Variants in PPFIA2 observed in about 807,000 individuals in gnomAD.
The protein encoded by PPFIA2 is PPFI scaffold protein A2.
PPFIA2 carries 46 observed loss-of-function variants against 175.5 expected under a neutral mutation model. The ratio of observed to expected loss-of-function variants is 0.26; its 90% CI spans 0.21 to 0.34. The LOEUF is 0.34. Among genes scored for constraint, PPFIA2 ranks in the 10% least tolerant of loss-of-function variants. The probability of loss-of-function intolerance (pLI) is 1.00; values close to 1 mark genes in which losing one functional copy is unlikely to be tolerated. For missense variants in PPFIA2, 1,179 were observed against 1,506.1 expected (o/e 0.78, Z 3.60); for synonymous variants, 568 against 511.4 (o/e 1.11, Z -1.49).
At chr12:81,534,476 A>G (rs2065095529) in intron 4 of PPFIA2, among the ~76,000 whole-genome samples, 1 of 151,730 alleles carries the variant, frequency 6.6e-6, no homozygotes, top group African/African-American at 2.4e-5. Flanking sequence ...ATTATGTATC[A>G]GGAAAAAATA....
At chr12:81,627,974 C>T (rs944489970) in intron 4 of PPFIA2, among the ~76,000 whole-genome samples, 2 of 151,892 alleles carry the variant, frequency 1.3e-5, no homozygotes, top group African/African-American at 4.8e-5. Flanking sequence ...TCAGTATTGG[C>T]TACAATAAAA....
intron 24 of PPFIA2, among the ~76,000 whole-genome samples, chr12:81,289,746 T>C (rs973848211): frequency 6.6e-6 from 1 of 151,804 alleles, no homozygotes; most frequent in African/African-American, 2.4e-5. Context: ...TACACAAAAA[T>C]AGTTTTAGGT....
intron 4 of PPFIA2, among the ~76,000 whole-genome samples, chr12:81,669,382 T>C (rs2070989779): frequency 6.6e-6 from 1 of 152,048 alleles, no homozygotes; most frequent in African/African-American, 2.4e-5. Context: ...GTGTGCTCAT[T>C]AACATCTGTT....
chr12:81,751,503 A>G (rs979063546), intron 3 of PPFIA2, among the ~76,000 whole-genome samples: 6 of 151,178 alleles, frequency 4.0e-5, no homozygotes, highest in Non-Finnish European at 8.9e-5. Context: ...TGCTGCCCAT[A>G]GTCCTTCAGG....
At chr12:81,449,789 TC>T (rs1163015469) in intron 5 of PPFIA2, among the ~76,000 whole-genome samples, 1 of 69,006 alleles carries the variant, frequency 1.4e-5, no homozygotes, top group Non-Finnish European at 2.8e-5. Flanking sequence ...CCCTCCCCCC[TC>T]CCCCCGACCC....
intron 4 of PPFIA2, among the ~76,000 whole-genome samples, chr12:81,611,961 G>A (rs1233467437): frequency 1.3e-5 from 2 of 152,148 alleles, no homozygotes; most frequent in Non-Finnish European, 2.9e-5. Flanking sequence ...CGAGCCATTA[G>A]TGGCTGGGAA....
intron 4 of PPFIA2, among the ~76,000 whole-genome samples, chr12:81,633,640 G>A (rs1200595350): frequency 6.6e-6 from 1 of 151,936 alleles, no homozygotes. Context: ...TATAGGAATA[G>A]AACATTTCAG....
chr12:81,501,086 A>T (rs1207228030), intron 4 of PPFIA2, among the ~76,000 whole-genome samples: 1 of 152,064 alleles, frequency 6.6e-6, no homozygotes, highest in African/African-American at 2.4e-5. Flanking sequence ...TTCCGACCTC[A>T]CTCACAGTAA....
chr12:81,716,065 TTTAATA>T (rs2078580058), intron 3 of PPFIA2, among the ~76,000 whole-genome samples: 2 of 151,608 alleles, frequency 1.3e-5, no homozygotes, highest in Admixed American at 1.3e-4. Flanking sequence ...AATACTTTGT[TTTAATA>T]TTAATAGGTA....
chr12:81,673,925 T>C (rs968348937), intron 4 of PPFIA2, among the ~76,000 whole-genome samples: 1 of 152,024 alleles, frequency 6.6e-6, no homozygotes, highest in African/African-American at 2.4e-5. Context: ...ATCTATTGAA[T>C]TTTCAATAAA....
chr12:81,708,095 C>T lies in PPFIA2; in HGVS notation c.250-31251G>A, dbSNP rs891011792. ...CTAGATGACGAGTTAGTGGGTGCAG[C>T]GCACCAGCATGTCACATGTATACAT... On this transcript the variant is annotated intron_variant, in intron 3 of 32. Transcript: ENST00000549396. 1.5e-4 allele frequency among the ~76,000 whole-genome samples: 23 copies of T among 150,340 alleles called. No individual in the cohort carries two copies. In the South Asian group the frequency reaches 3.6e-3, roughly 23 times the overall value.
At chr12:81,492,478 G>C (rs74104286) in intron 4 of PPFIA2, among the ~76,000 whole-genome samples, 3,228 of 152,120 alleles carry the variant, frequency 0.021, 93 homozygotes, top group African/African-American at 0.073. Context: ...AGGTGCTATA[G>C]AGTAAAATAA....
Position 81,368,861 on chromosome 12 carries a change from C to T in PPFIA2, c.1351-5G>A. ...CATTTTCTCTCTTTGCCTAGCCTTA[C>T]ATTTTAAAAAATGACATAAAAATCC... On this transcript the variant is annotated splice_polypyrimidine_tract_variant and splice_region_variant and intron_variant, in intron 12 of 32. Coordinates refer to ENST00000549396, the MANE Select transcript of PPFIA2 (RefSeq NM_003625.5). The T allele has an allele frequency of 6.3e-7, 1 of 1,598,294 alleles. No homozygotes were observed. Among genetic ancestry groups the T allele is most frequent in the Non-Finnish European group, 8.5e-7 (1 of 1,174,580 alleles).
chr12:81,717,014 G>A (rs1421067993), intron 3 of PPFIA2, among the ~76,000 whole-genome samples: 1 of 151,654 alleles, frequency 6.6e-6, no homozygotes, highest in Non-Finnish European at 1.5e-5. Flanking sequence ...ATGATCTGAA[G>A]TAATGTAATT....
intron 4 of PPFIA2, among the ~76,000 whole-genome samples, chr12:81,609,608 T>G (rs932617674): frequency 1.3e-5 from 2 of 152,220 alleles, no homozygotes; most frequent in African/African-American, 4.8e-5. Context: ...TTCTCTTTTT[T>G]GTTTTCCATT....
intron 7 of PPFIA2, among the ~76,000 whole-genome samples, chr12:81,433,687 C>A (rs1181815547): frequency 2.6e-5 from 4 of 152,008 alleles, no homozygotes; most frequent in Admixed American, 6.6e-5. Context: ...AGTCAAAGAA[C>A]AACATGAAAA....
rs549920515 is a variant in PPFIA2, at chr12:81,286,021, G to A, written c.2926-1718C>T. Among the ~76,000 whole-genome samples the A allele has an allele frequency of 7.9e-5, 12 of 152,052 alleles. No individual in the cohort carries two copies. The East Asian group carries it at 2.1e-3, about 27-fold the overall frequency. On this transcript the variant is annotated intron_variant, in intron 24 of 32. Coordinates refer to ENST00000549396, the MANE Select transcript of PPFIA2 (RefSeq NM_003625.5). ...GAAAGACAGTGATACTGATGGTCCC[G>A]ATCCTGTGTAGGCCTATAGTGATTT...
chr12:81,398,793 TC>T (rs1367468427), intron 8 of PPFIA2, among the ~76,000 whole-genome samples: 1 of 152,124 alleles, frequency 6.6e-6, no homozygotes. Flanking sequence ...TACTCTTATT[TC>T]CCTGTGGGTA....
At chr12:81,693,779 C>T (rs2075549428) in intron 3 of PPFIA2, among the ~76,000 whole-genome samples, 1 of 152,118 alleles carries the variant, frequency 6.6e-6, no homozygotes, top group Non-Finnish European at 1.5e-5. Flanking sequence ...GACTAAAATG[C>T]TAATAGTAAT....
Sources: gnomAD v4.1 joint callset for allele counts (sites outside exome capture counted in the v4.1 genomes callset) on GRCh38, gnomAD v4.1.1 for gene constraint, MANE v1.5 for transcripts, NCBI Gene and HGNC (gene_info 2026-07-23, HGNC 2026-07-21) for gene names.